COL11A1: variants seen among roughly 807,000 people sequenced by gnomAD.
COL11A1 encodes the protein collagen alpha-1(XI) chain.
In COL11A1, 74 loss-of-function variants were observed where a neutral mutation model predicts 265.2. That is an observed-to-expected ratio of 0.28 (90% CI 0.23 to 0.34). The LOEUF (loss-of-function observed/expected upper bound fraction) is 0.34, where lower values mean the gene tolerates loss of function less well. Among genes scored for constraint, COL11A1 ranks in the 10% least tolerant of loss-of-function variants. The probability of loss-of-function intolerance (pLI) is 1.00; values close to 1 mark genes in which losing one functional copy is unlikely to be tolerated. For synonymous variants in COL11A1, 816 were observed against 727.6 expected (o/e 1.12, Z -1.96); for missense variants, 2,165 against 2,263.6 (o/e 0.96, Z 0.88).
chr1:103,051,905 A>G (rs1437720901), intron 4 of COL11A1, among the ~76,000 whole-genome samples: 1 of 152,234 alleles, frequency 6.6e-6, no homozygotes, highest in East Asian at 1.9e-4. Context: ...AGCATGGTTT[A>G]AAACACATAG....
At chr1:102,959,914 G>A (rs1393880108) in intron 41 of COL11A1, among the ~76,000 whole-genome samples, 1 of 152,054 alleles carries the variant, frequency 6.6e-6, no homozygotes, top group Non-Finnish European at 1.5e-5. Flanking sequence ...AGTTCAGTGT[G>A]CATTTTTCTT....
chr1:102,956,357 T>G (rs2101523720), intron 41 of COL11A1, among the ~76,000 whole-genome samples: 1 of 152,308 alleles, frequency 6.6e-6, no homozygotes, highest in South Asian at 2.1e-4. Context: ...CAGTAAACCA[T>G]AAGCTCTTTG....
intron 32 of COL11A1, 40 bp downstream of exon 32, chr1:102,979,342 C>T (rs1662813608): frequency 1.3e-6 from 2 of 1,486,294 alleles, no homozygotes; most frequent in Admixed American, 1.7e-5. Context: ...CAGCTAAGAA[C>T]ACTTATATAC....
chr1:103,045,522 A>G (rs1313897825), intron 4 of COL11A1, among the ~76,000 whole-genome samples: 1 of 152,186 alleles, frequency 6.6e-6, no homozygotes, highest in African/African-American at 2.4e-5. Context: ...CAGTCAAATC[A>G]TAAACAGAAA....
intron 62 of COL11A1, among the ~76,000 whole-genome samples, chr1:102,887,752 A>G (rs929984926): frequency 2.0e-5 from 3 of 152,196 alleles, no homozygotes; most frequent in Admixed American, 2.0e-4. Flanking sequence ...TTAAGATAAC[A>G]TCGCTAGAGT....
intron 46 of COL11A1, among the ~76,000 whole-genome samples, chr1:102,933,724 G>A (rs1394142325): frequency 6.6e-6 from 1 of 152,128 alleles, no homozygotes; most frequent in East Asian, 1.9e-4. Context: ...TCAGACTGCT[G>A]TGCTAGCAAT....
chr1:103,084,405 C>A (rs562888551), intron 1 of COL11A1, among the ~76,000 whole-genome samples: 1 of 151,978 alleles, frequency 6.6e-6, no homozygotes, highest in Non-Finnish European at 1.5e-5. Flanking sequence ...GGGACTCAAT[C>A]AAAAATTTGA....
chr1:102,988,879 A>T (rs1252517273), intron 29 of COL11A1, among the ~76,000 whole-genome samples: 1 of 152,100 alleles, frequency 6.6e-6, no homozygotes, highest in Non-Finnish European at 1.5e-5. Context: ...ATTGCCCCCA[A>T]TCCTGCATGC....
intron 4 of COL11A1, 84 bp from the exon 5 acceptor site, chr1:103,031,328 T>C: frequency 3.4e-6 from 5 of 1,472,012 alleles, no homozygotes; most frequent in Non-Finnish European, 4.6e-6. Context: ...CGAGATGTGG[T>C]TTATTTTTAA....
chr1:103,089,879 A>T (rs898793325), intron 1 of COL11A1, among the ~76,000 whole-genome samples: 1 of 152,336 alleles, frequency 6.6e-6, no homozygotes, highest in Admixed American at 6.5e-5. Context: ...TAATCTCAGC[A>T]CTTTGGGAGG....
At chr1:103,054,315 A>G (rs1013073958) in intron 4 of COL11A1, among the ~76,000 whole-genome samples, 2 of 152,168 alleles carry the variant, frequency 1.3e-5, no homozygotes, top group African/African-American at 4.8e-5. Flanking sequence ...TACAGACAAG[A>G]ATTAAACTTA....
chr1:103,023,376 T>C (rs1195553161), intron 7 of COL11A1, among the ~76,000 whole-genome samples: 1 of 151,914 alleles, frequency 6.6e-6, no homozygotes, highest in Non-Finnish European at 1.5e-5. Context: ...CTTTCTTTTT[T>C]TTTTTTGAGA....
At chr1:102,967,347 TCTC>T (rs1661530872) in intron 37 of COL11A1, among the ~76,000 whole-genome samples, 1 of 141,086 alleles carries the variant, frequency 7.1e-6, no homozygotes, top group Non-Finnish European at 1.5e-5. Flanking sequence ...TTCACGCCAT[TCTC>T]CTGCTTCAGC....
chr1:102,898,528 A>G (rs763971660), intron 56 of COL11A1, 138 bp downstream of exon 56: 2 of 642,150 alleles, frequency 3.1e-6, no homozygotes, highest in Non-Finnish European at 2.7e-6. Flanking sequence ...TCTTTTTTAC[A>G]TTATATTTAC....
Position 102,995,995 on chromosome 1 carries a change from T to C in COL11A1, c.2289A>G (p.Gly763=), listed in dbSNP as rs765745093. Residue 763 remains glycine, a synonymous_variant, in exon 27 of 67, where the codon GGA becomes GGG. Coordinates refer to ENST00000370096, the MANE Select transcript of COL11A1 (RefSeq NM_001854.4). ...QGPIGYPGPR[G]VKGADGVRGL... is the part of the protein sequence containing the mutation. Reference sequence around the variant, plus strand: ...GAAAACAATTTAACGTTACCTTTACTCCCCGGGGGCCCGGGTATCCAATAG... The same window carrying C: ...GAAAACAATTTAACGTTACCTTTACCCCCCGGGGGCCCGGGTATCCAATAG... 8.1e-6 allele frequency: 13 copies of C among 1,613,346 alleles called. No homozygotes were observed. The East Asian group carries it at 2.9e-4, about 36-fold the overall frequency.
intron 4 of COL11A1, among the ~76,000 whole-genome samples, chr1:103,048,287 T>G (rs562732992): frequency 6.6e-6 from 1 of 152,204 alleles, no homozygotes; most frequent in Non-Finnish European, 1.5e-5. Context: ...CAGAGCCTGT[T>G]ATTGGTCTAT....
intron 1 of COL11A1, among the ~76,000 whole-genome samples, chr1:103,096,079 T>C (rs931495256): frequency 1.3e-5 from 2 of 151,904 alleles, no homozygotes; most frequent in African/African-American, 4.8e-5. Flanking sequence ...GAAGGATGAC[T>C]TGAATCAACT....
chr1:103,065,619 T>G (rs1571198588), intron 4 of COL11A1, among the ~76,000 whole-genome samples: 1 of 137,792 alleles, frequency 7.3e-6, no homozygotes, highest in South Asian at 2.3e-4. Flanking sequence ...AACCCTGAGA[T>G]AGGGTGGACA....
In COL11A1 at chr1:102,923,375, T is replaced by A; in HGVS notation, c.3615A>T (p.Pro1205=). 6.2e-7 allele frequency: 1 copy of A among 1,604,010 alleles called. No homozygotes were observed. The highest frequency in any genetic ancestry group is 2.3e-5 in the East Asian group (1 of 44,278). The change falls in exon 47 of 67, where the codon CCA becomes CCT. Residue 1205 remains proline (P), a synonymous_variant. Transcript: ENST00000370096. ...CCCCATTTTCACCTTTTTCACCAGG[T>A]GGGCCTGGCAGACCCTAAGAAAATA... The part of the protein sequence containing the change: ...GPIGLQGLPG[P]PGEKGENGDV...
Sources: allele counts gnomAD v4.1 joint callset (sites outside exome capture counted in the v4.1 genomes callset), GRCh38; gene constraint gnomAD v4.1.1; transcripts MANE v1.5; gene names NCBI Gene and HGNC (gene_info 2026-07-23, HGNC 2026-07-21).